Variants in FHIP2A observed in about 807,000 individuals in gnomAD.
FHIP2A encodes family with sequence similarity 160 member B1.
A neutral mutation model predicts 93.5 loss-of-function variants in FHIP2A; 46 were observed. The ratio of observed to expected loss-of-function variants is 0.49; its 90% CI spans 0.39 to 0.63. FHIP2A has a LOEUF of 0.63. FHIP2A is among the 20% of genes least tolerant of loss of function. The probability of loss-of-function intolerance (pLI) is 0.00; values close to 1 mark genes in which losing one functional copy is unlikely to be tolerated. For missense variants in FHIP2A, 769 were observed against 909.7 expected, an observed-to-expected ratio of 0.85 and a Z score of 1.99; for synonymous variants, 332 against 326.5, an observed-to-expected ratio of 1.02 and a Z score of -0.18.
chr10:114,838,854 A>G lies in FHIP2A; in HGVS notation c.522+2608A>G, dbSNP rs76468982. Among the ~76,000 whole-genome samples the G allele has an allele frequency of 7.6e-3, 1,157 of 152,332 alleles. 25 individuals are homozygous for G. Among genetic ancestry groups the G allele is most frequent in the African/African-American group, 0.027 (1,102 of 41,572 alleles). On this transcript the variant is annotated intron_variant, in intron 5 of 16. Transcript: ENST00000369248. ...ATCTGCTTTGTGCAGTGTTTTTATG[A>G]CATATTTCTCCAAAGCCTGAGGTGG...
rs1364520630 is a variant in FHIP2A at position 114,875,728 on chromosome 10, AAGAG to A, written c.2192+14400_2192+14403del. Among the ~76,000 whole-genome samples, 372 of 150,340 alleles carry A rather than the reference AAGAG, an allele frequency of 2.5e-3. 1 individual carries two copies. The highest frequency in any genetic ancestry group is 7.5e-3 in the African/African-American group (302 of 40,374). ...AGAAAGAAAGAGAGAGAAAGAAAGA[AAGAG>A]AGAGAAAGAAAGAAAGAAAGAGAAA... On this transcript the variant is annotated intron_variant, in intron 16 of 16. Coordinates refer to the FHIP2A transcript ENST00000369250.
Position 114,891,477 on chromosome 10 carries a change from A to G in FHIP2A, c.2193-8013A>G, listed in dbSNP as rs1044217455. On this transcript the variant is annotated intron_variant, in intron 16 of 16. Transcript: ENST00000369250. Reference sequence around the variant, plus strand: ...AATACAGAGATTTTTAAAACACTAAATCAAATTTAAAGCAAATAATAAGAT... The same window carrying G: ...AATACAGAGATTTTTAAAACACTAAGTCAAATTTAAAGCAAATAATAAGAT... Among the ~76,000 whole-genome samples the G allele has an allele frequency of 5.3e-4, 80 of 151,964 alleles. 1 individual carries two copies. Among genetic ancestry groups the G allele is most frequent in the African/African-American group, 1.9e-3 (78 of 41,478 alleles).
At chr10:114,884,911 C>T (rs866760147) in intron 16 of FHIP2A, among the ~76,000 whole-genome samples, 26 of 124,038 alleles carry the variant, frequency 2.1e-4, no homozygotes, top group Non-Finnish European at 8.5e-5. Flanking sequence ...GAGACTCCAT[C>T]AAAAAAAAAA....
chr10:114,827,113 A>G (rs894492759), intron 1 of FHIP2A, among the ~76,000 whole-genome samples: 1 of 152,196 alleles, frequency 6.6e-6, no homozygotes, highest in Non-Finnish European at 1.5e-5. Context: ...CTTTTGTGTG[A>G]TGGGTATATT....
intron 16 of FHIP2A, among the ~76,000 whole-genome samples, chr10:114,884,524 T>G (rs2083931982): frequency 6.6e-6 from 1 of 152,114 alleles, no homozygotes. Flanking sequence ...TAAAAGAAAA[T>G]AGCTCTGTGC....
chr10:114,848,893 A>G (rs539075995), intron 13 of FHIP2A, among the ~76,000 whole-genome samples, 156 bp downstream of exon 13: 13 of 152,120 alleles, frequency 8.5e-5, no homozygotes, highest in African/African-American at 3.1e-4. Context: ...CTGTAATCCC[A>G]GCACTTTGGG....
intron 5 of FHIP2A, among the ~76,000 whole-genome samples, chr10:114,842,480 A>G (rs953011297): frequency 6.6e-6 from 1 of 152,036 alleles, no homozygotes; most frequent in African/African-American, 2.4e-5. Flanking sequence ...TAACTTTTGA[A>G]CTTTAAAATA....
At chr10:114,844,055 A>G (rs1216053070) in intron 7 of FHIP2A, 118 bp downstream of exon 7, 2 of 661,294 alleles carry the variant, frequency 3.0e-6, no homozygotes, top group African/African-American at 3.7e-5. Context: ...ACTAGTGATC[A>G]TTAAATGGGA....
intron 16 of FHIP2A, among the ~76,000 whole-genome samples, chr10:114,872,773 A>G (rs777415474): frequency 2.0e-5 from 3 of 152,202 alleles, no homozygotes; most frequent in African/African-American, 4.8e-5. Flanking sequence ...TCCAAATGCA[A>G]TGGAGTACTA....
intron 13 of FHIP2A, among the ~76,000 whole-genome samples, chr10:114,850,575 C>T (rs999068470): frequency 6.6e-6 from 1 of 152,102 alleles, no homozygotes; most frequent in African/African-American, 2.4e-5. Flanking sequence ...TGGCATGCAC[C>T]TGTAGTTCCA....
chr10:114,898,382 C>G (rs190367149), intron 16 of FHIP2A, among the ~76,000 whole-genome samples: 159 of 152,306 alleles, frequency 1.0e-3, no homozygotes, highest in Non-Finnish European at 1.6e-3. Context: ...CATACTCTTG[C>G]AAGTTTGGCT....
chr10:114,824,211 C>T (rs1291854929), intron 1 of FHIP2A, among the ~76,000 whole-genome samples: 1 of 152,184 alleles, frequency 6.6e-6, no homozygotes, highest in Non-Finnish European at 1.5e-5. Context: ...ATATTTATAT[C>T]CTTTACCCAT....
At chr10:114,874,783 C>T (rs1403029769) in intron 16 of FHIP2A, among the ~76,000 whole-genome samples, 1 of 152,224 alleles carries the variant, frequency 6.6e-6, no homozygotes, top group Non-Finnish European at 1.5e-5. Context: ...GGATTACAGG[C>T]ATGAGCCATC....
downstream of FHIP2A, among the ~76,000 whole-genome samples, chr10:114,864,880 A>G (rs2083820890): frequency 1.3e-5 from 2 of 152,176 alleles, no homozygotes; most frequent in African/African-American, 2.4e-5. Flanking sequence ...CAATGTATCT[A>G]TTTGTGGAGG....
chr10:114,832,067 G>A (rs1427175893), intron 2 of FHIP2A, among the ~76,000 whole-genome samples: 2 of 152,102 alleles, frequency 1.3e-5, no homozygotes, highest in African/African-American at 4.8e-5. Flanking sequence ...TGAAAATAGA[G>A]ACATAAGTAA....
intron 16 of FHIP2A, among the ~76,000 whole-genome samples, chr10:114,878,679 T>C (rs2083901533): frequency 6.6e-6 from 1 of 150,996 alleles, no homozygotes; most frequent in Admixed American, 6.6e-5. Flanking sequence ...CTTGGGAGGC[T>C]GAGGCAGACA....
downstream of FHIP2A, among the ~76,000 whole-genome samples, chr10:114,866,540 A>G (rs2083830124): frequency 6.6e-6 from 1 of 152,242 alleles, no homozygotes; most frequent in Non-Finnish European, 1.5e-5. Flanking sequence ...CTAAAAATGT[A>G]TCAGAAATAG....
intron 14 of FHIP2A, among the ~76,000 whole-genome samples, chr10:114,855,621 G>A (rs925596270): frequency 5.3e-5 from 8 of 152,142 alleles, no homozygotes; most frequent in Admixed American, 2.0e-4. Flanking sequence ...GATTAGGACT[G>A]CTTTTCTTTT....
At chr10:114,883,730 C>T (rs955282160) in intron 16 of FHIP2A, among the ~76,000 whole-genome samples, 2 of 152,100 alleles carry the variant, frequency 1.3e-5, no homozygotes, top group African/African-American at 2.4e-5. Flanking sequence ...TACAGGCATG[C>T]ACCACCCCTG....
Sources: allele counts gnomAD v4.1 joint callset (sites outside exome capture counted in the v4.1 genomes callset), GRCh38; gene constraint gnomAD v4.1.1; transcripts MANE v1.5; gene names NCBI Gene and HGNC (gene_info 2026-07-23, HGNC 2026-07-21).